The following BCR variants were observed in gnomAD, a reference collection of about 807,000 sequenced individuals.
BCR encodes breakpoint cluster region protein.
BCR carries 58 observed loss-of-function variants against 138.6 expected under a neutral mutation model. The observed-to-expected ratio is 0.42, with a 90% CI of 0.34 to 0.52. The LOEUF is 0.52. BCR is among the 20% of genes least tolerant of loss of function. The probability of loss-of-function intolerance (pLI) is 0.06; values close to 1 mark genes in which losing one functional copy is unlikely to be tolerated. For synonymous variants in BCR, 786 were observed against 730.1 expected, an observed-to-expected ratio of 1.08 and a Z score of -1.23; for missense variants, 1,599 against 1,727.2, an observed-to-expected ratio of 0.93 and a Z score of 1.32.
Position 23,287,238 on chromosome 22 carries a change from C to T in BCR, c.2486C>T (p.Ser829Phe). ...SEQESLLLLMSPSMAFRVHSR... is the reference protein window; with the variant it reads ...SEQESLLLLMFPSMAFRVHSR... ...CAGGAGTCACTGCTGCTGCTTATGT[C>T]TCCCAGCATGGCCTTCAGGGTGCAC... Residue 829 changes from serine to phenylalanine, a missense_variant, in exon 11 of 23, where the codon TCT (serine) becomes TTT (phenylalanine). By Grantham distance (155) the Ser-to-Phe change is radical. Transcript: ENST00000305877. 1 of 1,559,228 alleles carries T rather than the reference C, an allele frequency of 6.4e-7. No individual in the cohort carries two copies. The highest frequency in any genetic ancestry group is 8.7e-7 in the Non-Finnish European group (1 of 1,150,950).
At chr22:23,263,623 G>A (rs2073399284) in intron 4 of BCR, 10 of 1,505,602 alleles carry the variant, frequency 6.6e-6, no homozygotes, top group Non-Finnish European at 8.3e-6. Flanking sequence ...TTGCCACTTT[G>A]TGCTGGCCAC....
At chr22:23,305,079 A>C (rs1484358458) in intron 16 of BCR, among the ~76,000 whole-genome samples, 2 of 150,776 alleles carry the variant, frequency 1.3e-5, no homozygotes, top group African/African-American at 4.9e-5. Context: ...TCGCCACTGC[A>C]CTCCAGCCTG....
intron 16 of BCR, among the ~76,000 whole-genome samples, chr22:23,307,055 T>G (rs131693): frequency 0.5 from 76,023 of 152,056 alleles, 19,402 homozygotes; most frequent in East Asian, 0.74. Context: ...GAAGGAAAGG[T>G]AAGAATGTCT....
chr22:23,202,127 A>C lies in BCR; in HGVS notation c.1279+19888A>C, dbSNP rs186157137. On this transcript the variant is annotated intron_variant, in intron 1 of 22. Coordinates refer to ENST00000305877, the MANE Select transcript of BCR (RefSeq NM_004327.4). Reference sequence around the variant, plus strand: ...TGGTTTAATTTATCTAATTTTAATGAATTTTTGTTGGACATTTCGAGTGGT... The same window carrying C: ...TGGTTTAATTTATCTAATTTTAATGCATTTTTGTTGGACATTTCGAGTGGT... Among the ~76,000 whole-genome samples, 8 of 152,238 alleles carry C rather than the reference A, an allele frequency of 5.3e-5. No homozygotes were observed. The East Asian group carries it at 1.5e-3, about 29-fold the overall frequency.
At chr22:23,303,027 C>T (rs1602124729) in intron 16 of BCR, among the ~76,000 whole-genome samples, 1 of 111,608 alleles carries the variant, frequency 9.0e-6, no homozygotes, top group Non-Finnish European at 1.9e-5. Context: ...GGCTGCATGG[C>T]CCCCCCCACC....
chr22:23,278,383 G>A (rs1214476887), intron 8 of BCR, among the ~76,000 whole-genome samples: 6 of 152,198 alleles, frequency 3.9e-5, no homozygotes, highest in East Asian at 3.9e-4. Context: ...GCTGAGAGAT[G>A]GTGAGGCTCG....
At chr22:23,275,234 T>A (rs2073562730) in intron 8 of BCR, among the ~76,000 whole-genome samples, 1 of 152,212 alleles carries the variant, frequency 6.6e-6, no homozygotes, top group Non-Finnish European at 1.5e-5. Context: ...GAGCTGTCCC[T>A]TCCATTCCGC....
chr22:23,189,572 C>G (rs2072389089), intron 1 of BCR, among the ~76,000 whole-genome samples: 1 of 152,176 alleles, frequency 6.6e-6, no homozygotes, highest in Non-Finnish European at 1.5e-5. Flanking sequence ...ACGATCTCGG[C>G]TCACTGCAAC....
At chr22:23,297,499 G>C (rs970816670) in intron 16 of BCR, among the ~76,000 whole-genome samples, 4 of 152,074 alleles carry the variant, frequency 2.6e-5, no homozygotes, top group African/African-American at 7.2e-5. Context: ...GAGGTAGAGG[G>C]AGCAGACTGC....
At chr22:23,272,908 T>TA (rs1008282089) in intron 6 of BCR, among the ~76,000 whole-genome samples, 173 bp from the exon 7 acceptor site, 36 of 152,152 alleles carry the variant, frequency 2.4e-4, no homozygotes, top group African/African-American at 8.4e-4. Context: ...GTCCTGGACT[T>TA]AAAGTGTTCC....
At chr22:23,312,744 G>A (rs1437770938) in intron 19 of BCR, 143 bp from the exon 20 acceptor site, 7 of 692,390 alleles carry the variant, frequency 1.0e-5, no homozygotes, top group Non-Finnish European at 1.7e-5. Context: ...GCTCTTGGGA[G>A]GAGTCAGATG....
At chr22:23,235,272 G>T (rs1014259211) in intron 1 of BCR, among the ~76,000 whole-genome samples, 1 of 143,990 alleles carries the variant, frequency 6.9e-6, no homozygotes, top group Non-Finnish European at 1.6e-5. Context: ...TAGAGACGGG[G>T]TTTCACCATG....
intron 1 of BCR, among the ~76,000 whole-genome samples, chr22:23,240,467 C>T (rs185911251): frequency 2.0e-5 from 3 of 151,294 alleles, no homozygotes; most frequent in African/African-American, 2.4e-5. Flanking sequence ...CTGACTAACA[C>T]GGTGAAACCC....
intron 8 of BCR, among the ~76,000 whole-genome samples, chr22:23,281,910 G>A (rs1446015535): frequency 6.6e-6 from 1 of 152,230 alleles, no homozygotes; most frequent in Admixed American, 6.5e-5. Context: ...GGTGGGTTGT[G>A]GGCAGCCTCT....
In BCR at chr22:23,317,106, G is replaced by C; in HGVS notation, c.*1584G>C. On this transcript the variant is annotated 3_prime_UTR_variant, in exon 23 of 23. Coordinates refer to ENST00000305877, the MANE Select transcript of BCR (RefSeq NM_004327.4). Reference sequence around the variant, plus strand: ...CACCCGCTCCCAAGGTGGGAGGAGTGGGTGTCCCCTGTGTGTCAGTGGGCA... The same window carrying C: ...CACCCGCTCCCAAGGTGGGAGGAGTCGGTGTCCCCTGTGTGTCAGTGGGCA... The C allele has an allele frequency of 5.2e-6, 1 of 192,460 alleles. No homozygotes were observed. Among genetic ancestry groups the C allele is most frequent in the East Asian group, 8.4e-5 (1 of 11,904 alleles). The allele number at this position is 192,460 out of a possible 1,614,324, so 11.9% of individuals were successfully genotyped here.
At chr22:23,263,425 G>A in intron 4 of BCR, 1 of 1,318,730 alleles carries the variant, frequency 7.6e-7, no homozygotes, top group Non-Finnish European at 1.1e-6. Flanking sequence ...TCTCAGAACT[G>A]GATAGTGGGG....
intron 2 of BCR, among the ~76,000 whole-genome samples, chr22:23,255,880 C>T (rs1355951303): frequency 2.0e-5 from 3 of 152,216 alleles, no homozygotes; most frequent in Non-Finnish European, 4.4e-5. Context: ...CCAGAGTTTC[C>T]AATCCCAAGC....
intron 7 of BCR, 63 bp downstream of exon 7, chr22:23,273,196 A>C: frequency 6.5e-7 from 1 of 1,537,718 alleles, no homozygotes; most frequent in Non-Finnish European, 8.9e-7. Flanking sequence ...CACAGCAACA[A>C]TGTTCTGAGA....
chr22:23,239,005 T>C (rs946755168), intron 1 of BCR, among the ~76,000 whole-genome samples: 1 of 152,162 alleles, frequency 6.6e-6, no homozygotes, highest in African/African-American at 2.4e-5. Flanking sequence ...TGGAATCATG[T>C]GTGGGCCCAG....
Sources: allele counts gnomAD v4.1 joint callset (sites outside exome capture counted in the v4.1 genomes callset), GRCh38; gene constraint gnomAD v4.1.1; transcripts MANE v1.5; gene names NCBI Gene and HGNC (gene_info 2026-07-23, HGNC 2026-07-21).